Variants in ERN1 observed in about 807,000 individuals in gnomAD.
ERN1 encodes endoplasmic reticulum to nucleus signaling 1, also known as serine/threonine-protein kinase/endoribonuclease IRE1.
ERN1 carries 39 observed loss-of-function variants against 113.1 expected under a neutral mutation model. The ratio of observed to expected loss-of-function variants is 0.34; its 90% CI spans 0.27 to 0.45. The LOEUF (loss-of-function observed/expected upper bound fraction) is 0.45. Ranked by LOEUF, ERN1 falls within the 20% of genes least tolerant of loss-of-function variation. The pLI is 1.00. For synonymous variants in ERN1, 507 were observed against 515.9 expected, an observed-to-expected ratio of 0.98 and a Z score of 0.23; for missense variants, 976 against 1,274.8, an observed-to-expected ratio of 0.77 and a Z score of 3.57.
Position 64,108,527 on chromosome 17 carries a change from C to T in ERN1, c.55-10286G>A, listed in dbSNP as rs529570250. On this transcript the variant is annotated intron_variant, in intron 1 of 21. Coordinates refer to ENST00000433197, the MANE Select transcript of ERN1 (RefSeq NM_001433.5). ...CCTCAGGATACCTGGGGAGCTAAGCCAAATCCCACACTTTAGGAAAACTGA... is the reference window on the plus strand; with the variant it reads ...CCTCAGGATACCTGGGGAGCTAAGCTAAATCCCACACTTTAGGAAAACTGA... Among the ~76,000 whole-genome samples, 3 of 152,226 alleles carry T rather than the reference C, an allele frequency of 2.0e-5. No homozygotes were observed. In the East Asian group the frequency reaches 5.8e-4, roughly 29 times the overall value.
At chr17:64,099,142 T>G (rs1437193347) in intron 1 of ERN1, among the ~76,000 whole-genome samples, 3 of 152,178 alleles carry the variant, frequency 2.0e-5, no homozygotes, top group Non-Finnish European at 4.4e-5. Context: ...AATAAAGACA[T>G]ATGTTCAGTG....
chr17:64,068,353 GGT>G, intron 6 of ERN1, 62 bp from the exon 7 acceptor site: 1 of 1,162,816 alleles, frequency 8.6e-7, no homozygotes, highest in Non-Finnish European at 1.3e-6. Flanking sequence ...ACTGAGGTGT[GGT>G]CCTTATCTAA....
chr17:64,077,574 A>G (rs1913633298), intron 4 of ERN1, among the ~76,000 whole-genome samples: 1 of 151,980 alleles, frequency 6.6e-6, no homozygotes, highest in Non-Finnish European at 1.5e-5. Context: ...CACGCTTGTG[A>G]GTCATCCGCG....
intron 17 of ERN1, 58 bp downstream of exon 17, chr17:64,052,722 C>T (rs1415948997): frequency 9.9e-6 from 15 of 1,521,824 alleles, no homozygotes; most frequent in Non-Finnish European, 1.3e-5. Context: ...AGGTTCTACT[C>T]CTGAAGATAC....
intron 1 of ERN1, among the ~76,000 whole-genome samples, chr17:64,118,180 A>G (rs1432466355): frequency 2.6e-5 from 4 of 152,168 alleles, no homozygotes; most frequent in Non-Finnish European, 5.9e-5. Flanking sequence ...CAGGCCCACC[A>G]AAGAGATTTT....
At chr17:64,048,116 T>C in intron 18 of ERN1, 131 bp from the exon 19 acceptor site, 2 of 895,114 alleles carry the variant, frequency 2.2e-6, no homozygotes, top group Non-Finnish European at 1.6e-6. Flanking sequence ...ATAAAATAAT[T>C]AGGAACAGAC....
intron 1 of ERN1, chr17:64,129,479 T>A (rs1915173083): frequency 4.3e-6 from 1 of 232,278 alleles, no homozygotes. Flanking sequence ...CCCCAAAGTT[T>A]TCGAATTTTT....
intron 2 of ERN1, among the ~76,000 whole-genome samples, chr17:64,086,858 C>A (rs1246358260): frequency 1.3e-5 from 2 of 151,776 alleles, no homozygotes; most frequent in Non-Finnish European, 2.9e-5. Context: ...ATTGGTCAGG[C>A]TGGTCTTGAA....
At position 64,040,492 on chromosome 17, in the gene ERN1, T is replaced by C. The variant is rs146297235; in HGVS notation, c.*3496A>G. ...AACGGTTTGATCAGCAACCAATTAA[T>C]CTCTCACTGCAGCAAGAAAAGAATT... On this transcript the variant is annotated 3_prime_UTR_variant, in exon 22 of 22. Transcript: ENST00000433197. 27 of 152,322 alleles carry C rather than the reference T, an allele frequency of 1.8e-4. No homozygotes were observed. The highest frequency in any genetic ancestry group is 4.8e-4 in the African/African-American group (20 of 41,568). The allele number at this position is 152,322 out of a possible 1,614,324, so 9.4% of individuals were successfully genotyped here. A position where few individuals can be genotyped will look rare whatever the true frequency, so the allele number is the denominator to read the frequency against.
rs551306393 is a variant in ERN1 at position 64,047,864 on chromosome 17, G to A, written c.2523C>T (p.Phe841=). 5.0e-6 allele frequency: 8 copies of A among 1,608,502 alleles called. No individual in the cohort carries two copies. In the Admixed American group the frequency reaches 8.4e-5, roughly 17 times the overall value. The change falls in exon 19 of 22, where the codon TTC becomes TTT. Residue 841 remains phenylalanine (F), a synonymous_variant. Coordinates refer to ENST00000433197, the MANE Select transcript of ERN1 (RefSeq NM_001433.5). ...AGAGAACAGACGTCTCTACCTGGAAGAACTGGAGCTGCTTCTCTAGGCTCC... is the reference window on the plus strand; with the variant it reads ...AGAGAACAGACGTCTCTACCTGGAAAAACTGGAGCTGCTTCTCTAGGCTCC... ...FFWSLEKQLQ[F]FQDVSDRIEK... is the part of the protein sequence containing the mutation.
rs559109379 is a variant in ERN1, at chr17:64,108,548, A to C, written c.55-10307T>G. Reference sequence around the variant, plus strand: ...AAGCCAAATCCCACACTTTAGGAAAACTGAAACCCAAGGTTACATGCTCAT... The same window carrying C: ...AAGCCAAATCCCACACTTTAGGAAACCTGAAACCCAAGGTTACATGCTCAT... On this transcript the variant is annotated intron_variant, in intron 1 of 21. Coordinates refer to ENST00000433197, the MANE Select transcript of ERN1 (RefSeq NM_001433.5). 8.5e-5 allele frequency among the ~76,000 whole-genome samples: 13 copies of C among 152,268 alleles called. No homozygotes were observed. In the East Asian group the frequency reaches 2.5e-3, roughly 29 times the overall value.
chr17:64,079,371 T>TA (rs1913696267), intron 4 of ERN1, among the ~76,000 whole-genome samples: 1 of 152,246 alleles, frequency 6.6e-6, no homozygotes, highest in Admixed American at 6.5e-5. Context: ...GGTCACCAGT[T>TA]AGAGCAAACC....
intron 11 of ERN1, among the ~76,000 whole-genome samples, chr17:64,059,522 C>T (rs1912984854): frequency 6.6e-6 from 1 of 152,206 alleles, no homozygotes; most frequent in African/African-American, 2.4e-5. Context: ...ACCCTTCCAC[C>T]TCCTCCACCG....
intron 2 of ERN1, among the ~76,000 whole-genome samples, chr17:64,090,270 A>C (rs560737719): frequency 2.0e-4 from 30 of 152,336 alleles, no homozygotes; most frequent in Admixed American, 1.1e-3. Context: ...GGTAACCTCC[A>C]TAAGTCACGA....
At position 64,041,466 on chromosome 17, in the gene ERN1, G is replaced by A. The variant is rs1337076210; in HGVS notation, c.*2522C>T. The A allele has an allele frequency of 6.6e-6, 1 of 152,218 alleles. No homozygotes were observed. The highest frequency in any genetic ancestry group is 1.5e-5 in the Non-Finnish European group (1 of 68,046). The allele number at this position is 152,218 out of a possible 1,614,324, so 9.4% of individuals were successfully genotyped here. Reference sequence around the variant, plus strand: ...AAGAACTTTCCACTTGCTGAGCACAGTGGGAAACCAGAATTCTCGAGACTA... The same window carrying A: ...AAGAACTTTCCACTTGCTGAGCACAATGGGAAACCAGAATTCTCGAGACTA... On this transcript the variant is annotated 3_prime_UTR_variant, in exon 22 of 22. Transcript: ENST00000433197.
intron 2 of ERN1, chr17:64,097,864 C>T (rs1379784234): frequency 2.4e-6 from 1 of 417,560 alleles, no homozygotes; most frequent in Non-Finnish European, 4.3e-6. Flanking sequence ...AGCCTAGAGC[C>T]ATTTTAACAT....
chr17:64,053,944 A>C, intron 15 of ERN1: 1 of 281,008 alleles, frequency 3.6e-6, no homozygotes, highest in South Asian at 5.2e-5. Flanking sequence ...AATTCACTGT[A>C]ACTTTTTTTT....
chr17:64,116,744 T>G (rs1914815372), intron 1 of ERN1, among the ~76,000 whole-genome samples: 1 of 151,996 alleles, frequency 6.6e-6, no homozygotes, highest in African/African-American at 2.4e-5. Context: ...TTCTGACCCC[T>G]CTGAGTTGTG....
intron 16 of ERN1, 117 bp from the exon 17 acceptor site, chr17:64,053,096 T>C: frequency 1.0e-6 from 1 of 972,044 alleles, no homozygotes; most frequent in Non-Finnish European, 1.5e-6. Flanking sequence ...CCAAATGTTC[T>C]GATTTTCAAC....
Sources: allele counts gnomAD v4.1 joint callset (sites outside exome capture counted in the v4.1 genomes callset), GRCh38; gene constraint gnomAD v4.1.1; transcripts MANE v1.5; gene names NCBI Gene and HGNC (gene_info 2026-07-23, HGNC 2026-07-21).